Variants in IP6K1 observed in about 807,000 individuals in gnomAD.
The protein encoded by IP6K1 is inositol hexakisphosphate kinase 1.
A neutral mutation model predicts 38.3 loss-of-function variants in IP6K1; 13 were observed. The observed-to-expected ratio is 0.34, with a 90% CI of 0.22 to 0.54. The LOEUF is 0.54. Ranked by LOEUF, IP6K1 falls within the 20% of genes least tolerant of loss-of-function variation. The pLI is 0.92. For missense variants in IP6K1, 397 were observed against 599.8 expected, an observed-to-expected ratio of 0.66 and a Z score of 3.53; for synonymous variants, 212 against 229.9, an observed-to-expected ratio of 0.92 and a Z score of 0.70.
chr3:49,781,849 G>A (rs765894053), intron 1 of IP6K1, among the ~76,000 whole-genome samples: 30 of 152,090 alleles, frequency 2.0e-4, no homozygotes, highest in East Asian at 1.9e-4. Context: ...TTGGGAGGCC[G>A]AGGTGGGAGG....
chr3:49,745,244 G>A lies in IP6K1; in HGVS notation c.223+2574C>T, dbSNP rs143823481. Among the ~76,000 whole-genome samples, 12 of 152,308 alleles carry A rather than the reference G, an allele frequency of 7.9e-5. No homozygotes were observed. In the East Asian group the frequency reaches 2.1e-3, roughly 27 times the overall value. ...GGTTTCCAGAGCAGAATATAATATA[G>A]GATGATCAGGGAAGAAGTGTCTGGG... On this transcript the variant is annotated intron_variant, in intron 2 of 5. Coordinates refer to ENST00000321599, the MANE Select transcript of IP6K1 (RefSeq NM_153273.4).
intron 4 of IP6K1, among the ~76,000 whole-genome samples, chr3:49,730,463 C>T (rs1193883124): frequency 6.6e-6 from 1 of 152,238 alleles, no homozygotes; most frequent in Non-Finnish European, 1.5e-5. Flanking sequence ...ATAAGGAAGA[C>T]ATCTTGGTAG....
intron 1 of IP6K1, among the ~76,000 whole-genome samples, chr3:49,756,834 A>G (rs1420242434): frequency 2.7e-5 from 4 of 149,352 alleles, no homozygotes; most frequent in South Asian, 2.1e-4. Flanking sequence ...AAAAAAAAAA[A>G]AAAAAAAGAA....
At chr3:49,753,689 C>T (rs2080798288) in intron 1 of IP6K1, among the ~76,000 whole-genome samples, 1 of 152,036 alleles carries the variant, frequency 6.6e-6, no homozygotes, top group African/African-American at 2.4e-5. Context: ...TATAAAGGGA[C>T]AAGTTCTTTT....
chr3:49,760,623 CAAAAAAAAA>C (rs56070382), intron 1 of IP6K1, among the ~76,000 whole-genome samples: 9 of 100,374 alleles, frequency 9.0e-5, no homozygotes, highest in Non-Finnish European at 1.6e-4. Flanking sequence ...GACTTCGTCT[CAAAAAAAAA>C]AAAAAAAAAA....
chr3:49,771,188 C>CAAA (rs35601566), intron 1 of IP6K1, among the ~76,000 whole-genome samples: 14 of 72,472 alleles, frequency 1.9e-4, no homozygotes, highest in East Asian at 4.8e-4. Context: ...AACTCAGTAA[C>CAAA]AAAAAAAAAA....
chr3:49,733,488 A>T (rs745692512), intron 3 of IP6K1, among the ~76,000 whole-genome samples: 2 of 152,258 alleles, frequency 1.3e-5, no homozygotes, highest in Non-Finnish European at 2.9e-5. Flanking sequence ...TACTCACAAT[A>T]AACAAAAGGA....
intron 2 of IP6K1, among the ~76,000 whole-genome samples, chr3:49,745,338 T>C (rs532115416): frequency 1.3e-3 from 197 of 152,254 alleles, no homozygotes; most frequent in African/African-American, 4.6e-3. Flanking sequence ...ATTCCAAGCA[T>C]AAGTAAAATC....
intron 1 of IP6K1, among the ~76,000 whole-genome samples, chr3:49,762,779 C>CTT (rs61119101): frequency 6.8e-6 from 1 of 148,052 alleles, no homozygotes; most frequent in Non-Finnish European, 1.5e-5. Context: ...TCAATTATTG[C>CTT]TTTTTTTTTT....
At chr3:49,771,554 T>C (rs918621540) in intron 1 of IP6K1, among the ~76,000 whole-genome samples, 3 of 152,178 alleles carry the variant, frequency 2.0e-5, no homozygotes, top group Non-Finnish European at 4.4e-5. Flanking sequence ...ACAACACACT[T>C]AATGTTGCTA....
In IP6K1 at chr3:49,728,157, C is replaced by G. The variant is rs1423132468; in HGVS notation, c.738G>C (p.Arg246=). The change falls in exon 5 of 6, where the codon CGG becomes CGC. Residue 246 remains arginine (R), a synonymous_variant. Transcript: ENST00000321599. ...TGGCTGATGTGCTCTGCTCGCATTT[C>G]CGCATCTGCCGGGCTGCCTTCTCAG... ...ASAEKAARQM[R]KCEQSTSATL... is the part of the protein sequence containing the mutation. 6 of 1,614,062 alleles carry G rather than the reference C, an allele frequency of 3.7e-6. No homozygotes were observed. In the South Asian group the frequency reaches 5.5e-5, roughly 15 times the overall value.
At chr3:49,730,600 G>A (rs1559701483) in intron 4 of IP6K1, among the ~76,000 whole-genome samples, 1 of 152,140 alleles carries the variant, frequency 6.6e-6, no homozygotes, top group Admixed American at 6.6e-5. Context: ...AGGCTGGAGT[G>A]CAGTAGCACA....
At chr3:49,775,488 T>C in intron 1 of IP6K1, 3 of 671,910 alleles carry the variant, frequency 4.5e-6, no homozygotes, top group Non-Finnish European at 7.3e-6. Context: ...CTCTGGTGCC[T>C]ATTACTGTAA....
At chr3:49,766,958 C>CAAAAA (rs144308874) in intron 1 of IP6K1, among the ~76,000 whole-genome samples, 44 of 55,418 alleles carry the variant, frequency 7.9e-4, no homozygotes, top group Admixed American at 9.6e-4. Context: ...GACTCCGTCT[C>CAAAAA]AAAAAAAAAA....
Position 49,784,893 on chromosome 3 carries a change from C to T in IP6K1, c.-129+1461G>A, listed in dbSNP as rs1417251090. On this transcript the variant is annotated intron_variant, in intron 1 of 5. Coordinates refer to ENST00000321599, the MANE Select transcript of IP6K1 (RefSeq NM_153273.4). ...CAGGGAGTCAGAGGTTGCAGTGAGC[C>T]GAGATGGCACCACTGTACTCCAGCC... 2.6e-5 allele frequency among the ~76,000 whole-genome samples: 4 copies of T among 151,986 alleles called. No homozygotes were observed. The East Asian group carries it at 5.8e-4, about 22-fold the overall frequency.
intron 1 of IP6K1, among the ~76,000 whole-genome samples, chr3:49,763,598 A>G (rs1463783642): frequency 6.6e-6 from 1 of 152,206 alleles, no homozygotes; most frequent in Non-Finnish European, 1.5e-5. Context: ...TTAAACATCT[A>G]AAGAATCAAT....
At chr3:49,744,615 G>A (rs374457753) in intron 2 of IP6K1, among the ~76,000 whole-genome samples, 33 of 152,024 alleles carry the variant, frequency 2.2e-4, no homozygotes, top group African/African-American at 7.7e-4. Context: ...AGATGTTCTA[G>A]GCTTGTCTTA....
At chr3:49,740,364 C>T (rs1290662450) in intron 2 of IP6K1, among the ~76,000 whole-genome samples, 1 of 151,768 alleles carries the variant, frequency 6.6e-6, no homozygotes, top group African/African-American at 2.4e-5. Context: ...GCCACCATGC[C>T]CAGCCATTTA....
At chr3:49,783,699 C>A (rs2081087634) in intron 1 of IP6K1, among the ~76,000 whole-genome samples, 4 of 138,624 alleles carry the variant, frequency 2.9e-5, no homozygotes, top group East Asian at 2.0e-4. Flanking sequence ...CGCAACCGAG[C>A]GAGATTCCGT....
Sources: allele counts gnomAD v4.1 joint callset (sites outside exome capture counted in the v4.1 genomes callset), GRCh38; gene constraint gnomAD v4.1.1; transcripts MANE v1.5; gene names NCBI Gene and HGNC (gene_info 2026-07-23, HGNC 2026-07-21).